PACRGL: variants seen among roughly 807,000 people sequenced by gnomAD.
The protein encoded by PACRGL is parkin coregulated like.
A neutral mutation model predicts 34.5 loss-of-function variants in PACRGL; 38 were observed. The observed-to-expected ratio is 1.10, with a 90% CI of 0.85 to 1.44. The LOEUF is 1.44. Ranked by LOEUF, PACRGL falls within the 40% of genes most tolerant of loss-of-function variation. The pLI is 0.00. For synonymous variants in PACRGL, 128 were observed against 100.1 expected (o/e 1.28, Z -1.66); for missense variants, 305 against 281.4 (o/e 1.08, Z -0.60).
Position 20,722,274 on chromosome 4 carries a change from G to A in PACRGL, c.610-2534G>A, listed in dbSNP as rs144497874. On this transcript the variant is annotated intron_variant, in intron 7 of 8. Coordinates refer to ENST00000503585, the MANE Select transcript of PACRGL (RefSeq NM_001258345.3). ...AATTCCCTGATCCCTTGCGCTTCCCGGGTGAGGCGATGCCTCGCCCTGCTT... is the reference window on the plus strand; with the variant it reads ...AATTCCCTGATCCCTTGCGCTTCCCAGGTGAGGCGATGCCTCGCCCTGCTT... Among the ~76,000 whole-genome samples, 1,319 of 152,328 alleles carry A rather than the reference G, an allele frequency of 8.7e-3. 9 individuals are homozygous for A. The highest frequency in any genetic ancestry group is 0.015 in the Non-Finnish European group (989 of 68,024).
the PACRGL span, among the ~76,000 whole-genome samples, chr4:20,761,068 C>A: frequency 6.6e-6 from 1 of 152,064 alleles, no homozygotes; most frequent in African/African-American, 2.4e-5. Flanking sequence ...TGTGAGGGGG[C>A]CTCATTGAAT....
chr4:20,722,460 T>A (rs553766633), intron 7 of PACRGL, among the ~76,000 whole-genome samples: 2 of 152,338 alleles, frequency 1.3e-5, no homozygotes, highest in East Asian at 3.9e-4. Flanking sequence ...TTCGGCCATC[T>A]TGGAACCGCC....
At chr4:20,724,141 A>G (rs191910040) in intron 7 of PACRGL, among the ~76,000 whole-genome samples, 17 of 152,282 alleles carry the variant, frequency 1.1e-4, no homozygotes, top group Admixed American at 6.5e-4. Flanking sequence ...CTGCAAATGT[A>G]TGGGACTTTA....
At chr4:20,705,892 G>A (rs540679334) in intron 3 of PACRGL, among the ~76,000 whole-genome samples, 3 of 147,814 alleles carry the variant, frequency 2.0e-5, no homozygotes, top group Non-Finnish European at 4.5e-5. Context: ...GGGAGAGGCA[G>A]TGGAGGCATC....
chr4:20,724,272 G>A (rs896938104), intron 7 of PACRGL, among the ~76,000 whole-genome samples: 1 of 152,178 alleles, frequency 6.6e-6, no homozygotes, highest in South Asian at 2.1e-4. Flanking sequence ...AGCATCTCAA[G>A]TGATTCTGAG....
At chr4:20,721,737 T>C (rs1395394048) in intron 7 of PACRGL, among the ~76,000 whole-genome samples, 1 of 152,184 alleles carries the variant, frequency 6.6e-6, no homozygotes, top group Non-Finnish European at 1.5e-5. Context: ...CTGCCCCTAC[T>C]GGGGGGTGCC....
At chr4:20,715,603 C>T (rs1031833689) in intron 7 of PACRGL, among the ~76,000 whole-genome samples, 8 of 152,066 alleles carry the variant, frequency 5.3e-5, no homozygotes, top group Admixed American at 2.0e-4. Context: ...CGTAGTGGCT[C>T]ACACCTGTAA....
downstream of PACRGL, among the ~76,000 whole-genome samples, chr4:20,756,388 T>G (rs1286578656): frequency 6.6e-6 from 1 of 152,128 alleles, no homozygotes; most frequent in Non-Finnish European, 1.5e-5. Flanking sequence ...CAATTCTGAA[T>G]CCTATTTATC....
chr4:20,753,494 C>T (rs1163968881), downstream of PACRGL, among the ~76,000 whole-genome samples: 1 of 152,174 alleles, frequency 6.6e-6, no homozygotes. Flanking sequence ...CCCTAGAGTT[C>T]GTTCTTCATA....
chr4:20,762,853 G>A, the PACRGL span, among the ~76,000 whole-genome samples: 1 of 152,172 alleles, frequency 6.6e-6, no homozygotes, highest in Non-Finnish European at 1.5e-5. Flanking sequence ...AAAGGAAAGA[G>A]GTTAATTGAC....
chr4:20,713,515 C>T lies in PACRGL; in HGVS notation c.585C>T (p.Asp195=), dbSNP rs188440053. ...LSVVVGPSLN[D]HLKHLLTSLS... The stretch of plus-strand genomic sequence containing the variant: ...TCGTTGTTGGTCCTTCTCTAAACGA[C>T]CATCTGAAGCATCTGCTTACAAGCG... The change falls in exon 7 of 9, where the codon GAC becomes GAT. Residue 195 remains aspartate (D), a synonymous_variant. Coordinates refer to ENST00000503585, the MANE Select transcript of PACRGL (RefSeq NM_001258345.3). 23 of 1,612,706 alleles carry T rather than the reference C, an allele frequency of 1.4e-5. No homozygotes were observed. In the Admixed American group the frequency reaches 2.3e-4, roughly 16 times the overall value.
the PACRGL span, among the ~76,000 whole-genome samples, chr4:20,765,967 G>A: frequency 6.6e-6 from 1 of 152,008 alleles, no homozygotes; most frequent in Non-Finnish European, 1.5e-5. Flanking sequence ...ATTTTAATAA[G>A]GCAGTATTAC....
At chr4:20,765,061 G>A in the PACRGL span, among the ~76,000 whole-genome samples, 1 of 152,150 alleles carries the variant, frequency 6.6e-6, no homozygotes, top group African/African-American at 2.4e-5. Context: ...ACATCTTTTT[G>A]CTCATTTATT....
At chr4:20,721,119 G>C (rs1038639262) in intron 7 of PACRGL, among the ~76,000 whole-genome samples, 1 of 152,038 alleles carries the variant, frequency 6.6e-6, no homozygotes, top group Non-Finnish European at 1.5e-5. Flanking sequence ...GATTGAGTCG[G>C]CTACTGAAGC....
chr4:20,717,619 G>C (rs1405627893), intron 7 of PACRGL, among the ~76,000 whole-genome samples: 2 of 152,142 alleles, frequency 1.3e-5, no homozygotes, highest in Non-Finnish European at 2.9e-5. Flanking sequence ...GTTTCTGTCA[G>C]GTTTGTCAAA....
chr4:20,701,823 G>A, intron 1 of PACRGL: 2 of 456,432 alleles, frequency 4.4e-6, no homozygotes, highest in Non-Finnish European at 4.4e-6. Context: ...ATCCGTGGTT[G>A]GGTCAAATCT....
intron 8 of PACRGL, among the ~76,000 whole-genome samples, chr4:20,748,560 TTATATA>T (rs3075750): frequency 0.054 from 3,481 of 63,980 alleles, 67 homozygotes; most frequent in African/African-American, 0.073. Context: ...CTTCCAAATT[TTATATA>T]TATATATATA....
chr4:20,722,480 AT>A (rs1743804586), intron 7 of PACRGL, among the ~76,000 whole-genome samples: 1 of 152,114 alleles, frequency 6.6e-6, no homozygotes, highest in Non-Finnish European at 1.5e-5. Flanking sequence ...CCCCTTCTTC[AT>A]GCAGTGTTTA....
chr4:20,743,488 T>C (rs1193143632), intron 8 of PACRGL, among the ~76,000 whole-genome samples: 2 of 152,138 alleles, frequency 1.3e-5, no homozygotes, highest in African/African-American at 4.8e-5. Flanking sequence ...CATCTGATCT[T>C]TGACAAACCT....
Sources: gnomAD v4.1 joint callset for allele counts (sites outside exome capture counted in the v4.1 genomes callset) on GRCh38, gnomAD v4.1.1 for gene constraint, MANE v1.5 for transcripts, NCBI Gene and HGNC (gene_info 2026-07-23, HGNC 2026-07-21) for gene names.